Variants in CAB39L observed in about 807,000 individuals in gnomAD.
The protein encoded by CAB39L is calcium-binding protein 39-like.
A neutral mutation model predicts 39.1 loss-of-function variants in CAB39L; 23 were observed. That is an observed-to-expected ratio of 0.59 (90% CI 0.42 to 0.83). The LOEUF (loss-of-function observed/expected upper bound fraction) is 0.83. Among genes scored for constraint, CAB39L ranks in the 40% least tolerant of loss-of-function variants. CAB39L has a pLI of 0.00. For synonymous variants in CAB39L, 126 were observed against 137.2 expected (o/e 0.92, Z 0.57); for missense variants, 366 against 391.9 (o/e 0.93, Z 0.56).
chr13:49,400,873 C>G (rs11617295), intron 3 of CAB39L, among the ~76,000 whole-genome samples: 18,566 of 151,816 alleles, frequency 0.12, 1,392 homozygotes, highest in Middle Eastern at 0.19. Context: ...TAAATAAAAA[C>G]CCATTTCCAA....
At chr13:49,316,480 C>T (rs988618272) in intron 10 of CAB39L, among the ~76,000 whole-genome samples, 5 of 152,118 alleles carry the variant, frequency 3.3e-5, no homozygotes, top group African/African-American at 4.8e-5. Flanking sequence ...TGATATGAGG[C>T]CAGTATTACC....
At chr13:49,340,318 T>G (rs1357696902) in intron 8 of CAB39L, among the ~76,000 whole-genome samples, 3 of 152,136 alleles carry the variant, frequency 2.0e-5, no homozygotes, top group African/African-American at 7.2e-5. Flanking sequence ...TAACACAGAG[T>G]GCTGGCATCT....
intron 4 of CAB39L, among the ~76,000 whole-genome samples, chr13:49,378,665 A>G (rs1956169208): frequency 1.9e-5 from 1 of 53,658 alleles, no homozygotes; most frequent in Non-Finnish European, 3.5e-5. Flanking sequence ...CCCTACTGGG[A>G]AGTGAGGAGC....
intron 6 of CAB39L, among the ~76,000 whole-genome samples, chr13:49,354,589 A>G (rs1955439555): frequency 6.6e-6 from 1 of 152,216 alleles, no homozygotes; most frequent in Admixed American, 6.5e-5. Flanking sequence ...TGCATTTTCC[A>G]CAATGGCTAA....
At position 49,332,008 on chromosome 13, in the gene CAB39L, A is replaced by G. The variant is rs1440171317; in HGVS notation, c.773T>C (p.Met258Thr). 1.2e-6 allele frequency: 2 copies of G among 1,614,176 alleles called. No individual in the cohort carries two copies. Among genetic ancestry groups the G allele is most frequent in the Non-Finnish European group, 1.7e-6 (2 of 1,180,010 alleles). The change falls in exon 10 of 11, where the codon ATG (methionine) becomes ACG (threonine). Residue 258 changes from methionine (M) to threonine (T), a missense_variant. Physicochemically the swap from Met to Thr is moderately conservative, Grantham distance 81. Coordinates refer to ENST00000409308, the MANE Select transcript of CAB39L (RefSeq NM_001079670.3). ...ACTTTTATCCCGAAGGAGGTTCATC[A>G]TGAGTTTCAGGTTCTCCGGCTTGCT... ...YISKPENLKL[M>T]MNLLRDKSPN...
chr13:49,350,782 T>C lies in CAB39L; in HGVS notation c.526A>G (p.Thr176Ala). 1.3e-6 allele frequency: 2 copies of C among 1,590,508 alleles called. No individual in the cohort carries two copies. The highest frequency in any genetic ancestry group is 1.7e-6 in the Non-Finnish European group (2 of 1,170,284). ...RDFFKYVELS[T>A]FDIASDAFAT... is the part of the protein sequence containing the mutation. ...AAGGCATCTGAAGCAATATCAAATG[T>C]TGACAACTCCACGTACTTAAAGAAA... The change falls in exon 7 of 11, where the codon ACA (threonine) becomes GCA (alanine). Residue 176 changes from threonine (T) to alanine (A), a missense_variant. By Grantham distance (58) the Thr-to-Ala change is moderately conservative (BLOSUM62 0). Coordinates refer to ENST00000409308, the MANE Select transcript of CAB39L (RefSeq NM_001079670.3).
At chr13:49,396,715 CA>C (rs1224709614) in intron 3 of CAB39L, among the ~76,000 whole-genome samples, 5 of 147,936 alleles carry the variant, frequency 3.4e-5, no homozygotes, top group Middle Eastern at 3.4e-3. Flanking sequence ...CTCAAAAAAA[CA>C]AAAAAAAAAT....
intron 3 of CAB39L, chr13:49,401,206 C>T (rs1956762182): frequency 6.6e-6 from 1 of 152,148 alleles, no homozygotes; most frequent in Non-Finnish European, 1.5e-5. Flanking sequence ...GAAGACAGCT[C>T]TTTCTTGAGC....
intron 10 of CAB39L, among the ~76,000 whole-genome samples, chr13:49,329,547 ATATATATATATATATATAT>A (rs1566066069): frequency 0.064 from 2,102 of 33,032 alleles, 193 homozygotes; most frequent in Non-Finnish European, 0.078. Flanking sequence ...AAAAAAAAAT[ATATATATATATATATATAT>A]ATATATATAT....
intron 6 of CAB39L, among the ~76,000 whole-genome samples, chr13:49,352,480 G>A (rs958179363): frequency 1.3e-5 from 2 of 151,974 alleles, no homozygotes; most frequent in Admixed American, 6.6e-5. Flanking sequence ...CTGGTGGGGC[G>A]TGACTGCTCA....
intron 3 of CAB39L, among the ~76,000 whole-genome samples, chr13:49,411,717 AAG>A (rs1293676514): frequency 1.1e-4 from 17 of 152,128 alleles, no homozygotes; most frequent in African/African-American, 4.1e-4. Flanking sequence ...AACTCGACTT[AAG>A]TATATCCCGA....
intron 5 of CAB39L, among the ~76,000 whole-genome samples, chr13:49,366,665 C>T (rs1191300859): frequency 1.4e-5 from 2 of 140,480 alleles, no homozygotes; most frequent in African/African-American, 2.7e-5. Context: ...GCTCTCCAAA[C>T]ACCCTCCCTC....
chr13:49,327,997 C>T lies in CAB39L; in HGVS notation c.834+3950G>A, dbSNP rs1224526257. ...AAATTTACAACAAAACATGGTTATT[C>T]GAGGACTTGCTGTAATGTACATGGT... On this transcript the variant is annotated intron_variant, in intron 10 of 10. Transcript: ENST00000409308. 2.6e-5 allele frequency among the ~76,000 whole-genome samples: 4 copies of T among 152,166 alleles called. No individual in the cohort carries two copies. The East Asian group carries it at 7.7e-4, about 29-fold the overall frequency.
chr13:49,418,089 ACTTATACAT>A (rs1033253876), intron 3 of CAB39L, among the ~76,000 whole-genome samples: 2 of 152,146 alleles, frequency 1.3e-5, no homozygotes, highest in African/African-American at 4.8e-5. Flanking sequence ...CCATACAAAA[ACTTATACAT>A]GAATGTTCAA....
intron 3 of CAB39L, among the ~76,000 whole-genome samples, chr13:49,425,898 T>C (rs191738987): frequency 4.6e-5 from 7 of 152,342 alleles, no homozygotes; most frequent in Non-Finnish European, 8.8e-5. Context: ...TAATGAAAGG[T>C]AGCACTTGCT....
chr13:49,375,505 A>G (rs1043933453), intron 5 of CAB39L, among the ~76,000 whole-genome samples: 1 of 152,206 alleles, frequency 6.6e-6, no homozygotes, highest in Non-Finnish European at 1.5e-5. Flanking sequence ...CAAGCCAAGC[A>G]AGAGGAAAAA....
intron 7 of CAB39L, among the ~76,000 whole-genome samples, chr13:49,344,515 G>T (rs540573834): frequency 9.4e-4 from 134 of 141,800 alleles, no homozygotes; most frequent in African/African-American, 3.0e-3. Flanking sequence ...AACTTGAGAT[G>T]AGTTAATTTT....
chr13:49,432,147 T>C (rs1374511975), intron 3 of CAB39L, among the ~76,000 whole-genome samples: 3 of 152,176 alleles, frequency 2.0e-5, no homozygotes, highest in African/African-American at 7.2e-5. Flanking sequence ...TATTAAACTA[T>C]GTACATATAT....
At chr13:49,356,486 T>A (rs140617327) in intron 6 of CAB39L, among the ~76,000 whole-genome samples, 2 of 152,300 alleles carry the variant, frequency 1.3e-5, no homozygotes, top group African/African-American at 4.8e-5. Context: ...AATCTTTTCA[T>A]AGAACTTGGG....
Sources: gnomAD v4.1 joint callset for allele counts (sites outside exome capture counted in the v4.1 genomes callset) on GRCh38, gnomAD v4.1.1 for gene constraint, MANE v1.5 for transcripts, NCBI Gene and HGNC (gene_info 2026-07-23, HGNC 2026-07-21) for gene names.